SH3BGRL2: variants seen among roughly 807,000 people sequenced by gnomAD.
The protein encoded by SH3BGRL2 is SH3 domain-binding glutamic acid-rich-like protein 2.
SH3BGRL2 carries 21 observed loss-of-function variants against 14.8 expected under a neutral mutation model. The observed-to-expected ratio is 1.42, with a 90% CI of 1.01 to 2.05. The LOEUF is 2.05. SH3BGRL2 is among the 30% of genes most tolerant of loss of function. The pLI, the probability that SH3BGRL2 is intolerant of heterozygous loss-of-function variation, is 0.00. For synonymous variants in SH3BGRL2, 50 were observed against 47.8 expected (o/e 1.05, Z -0.19); for missense variants, 147 against 130.8 (o/e 1.12, Z -0.61).
At chr6:79,603,343 T>C in the SH3BGRL2 span, among the ~76,000 whole-genome samples, 12 of 152,204 alleles carry the variant, frequency 7.9e-5, no homozygotes, top group Non-Finnish European at 1.3e-4. Context: ...TTTTTAATCC[T>C]CAAGAGGCTA....
At chr6:79,568,022 T>A in the SH3BGRL2 span, among the ~76,000 whole-genome samples, 2 of 152,286 alleles carry the variant, frequency 1.3e-5, no homozygotes, top group Middle Eastern at 3.4e-3. Context: ...AGCTGAAATA[T>A]CATTTTGTAC....
At chr6:79,691,364 T>C (rs1462976364) in intron 2 of SH3BGRL2, among the ~76,000 whole-genome samples, 1 of 151,996 alleles carries the variant, frequency 6.6e-6, no homozygotes, top group Non-Finnish European at 1.5e-5. Flanking sequence ...TAAATTTTAT[T>C]ATTATTATAC....
intron 2 of SH3BGRL2, among the ~76,000 whole-genome samples, chr6:79,676,316 C>T (rs954064223): frequency 2.0e-5 from 3 of 152,178 alleles, no homozygotes; most frequent in South Asian, 2.1e-4. Flanking sequence ...CTAGCTCCTT[C>T]GAGGAGAGTG....
rs577203605 is a variant in SH3BGRL2, at chr6:79,656,812, G to C, written c.46-16802G>C. On this transcript the variant is annotated intron_variant, in intron 1 of 3. Coordinates refer to ENST00000369838, the MANE Select transcript of SH3BGRL2 (RefSeq NM_031469.4). ...TCCTTGGATTTTGGTATGGGGGTTG[G>C]GGAGAGCTCCTGAAACTAATTCCCT... Among the ~76,000 whole-genome samples, 12 of 152,124 alleles carry C rather than the reference G, an allele frequency of 7.9e-5. No individual in the cohort carries two copies. The East Asian group carries it at 1.9e-3, about 25-fold the overall frequency.
At chr6:79,573,217 T>C in the SH3BGRL2 span, among the ~76,000 whole-genome samples, 1 of 151,906 alleles carries the variant, frequency 6.6e-6, no homozygotes, top group African/African-American at 2.4e-5. Flanking sequence ...TCTGTATAGA[T>C]ACCCATCATC....
At chr6:79,678,998 A>G (rs758436200) in intron 2 of SH3BGRL2, among the ~76,000 whole-genome samples, 25 of 151,950 alleles carry the variant, frequency 1.6e-4, no homozygotes, top group Non-Finnish European at 2.5e-4. Context: ...TATGTATCAC[A>G]TTTTCTTTAT....
chr6:79,557,480 A>C, the SH3BGRL2 span, among the ~76,000 whole-genome samples: 1 of 152,106 alleles, frequency 6.6e-6, no homozygotes, highest in South Asian at 2.1e-4. Context: ...CTAATTGAGC[A>C]GCAAAAAGCA....
chr6:79,660,184 G>A (rs542458940), intron 1 of SH3BGRL2, among the ~76,000 whole-genome samples: 146 of 152,232 alleles, frequency 9.6e-4, no homozygotes, highest in African/African-American at 3.2e-3. Context: ...GTGTTGAATC[G>A]GAGTGGTGAA....
chr6:79,539,412 C>T, the SH3BGRL2 span, among the ~76,000 whole-genome samples: 3 of 152,126 alleles, frequency 2.0e-5, no homozygotes, highest in Non-Finnish European at 4.4e-5. Context: ...ATATTTCTGC[C>T]ACTTGAAATT....
chr6:79,680,556 G>A (rs1769968577), intron 2 of SH3BGRL2, among the ~76,000 whole-genome samples: 1 of 151,808 alleles, frequency 6.6e-6, no homozygotes, highest in Admixed American at 6.6e-5. Flanking sequence ...GGCTGTTTAG[G>A]GTCCGTTGAT....
intron 2 of SH3BGRL2, among the ~76,000 whole-genome samples, chr6:79,695,588 A>G (rs1239335926): frequency 2.6e-5 from 4 of 152,198 alleles, no homozygotes; most frequent in Non-Finnish European, 5.9e-5. Flanking sequence ...ACATGAGCCC[A>G]AATATCAGTT....
At chr6:79,588,143 A>G in the SH3BGRL2 span, among the ~76,000 whole-genome samples, 1 of 152,016 alleles carries the variant, frequency 6.6e-6, no homozygotes, top group South Asian at 2.1e-4. Context: ...AATACAAAAA[A>G]TTAGCTGGGC....
chr6:79,593,100 A>G, the SH3BGRL2 span, among the ~76,000 whole-genome samples: 1 of 152,206 alleles, frequency 6.6e-6, no homozygotes, highest in Non-Finnish European at 1.5e-5. Context: ...ATAATTTTTC[A>G]AGAGAGGCTG....
chr6:79,579,845 A>G, the SH3BGRL2 span, among the ~76,000 whole-genome samples: 2 of 152,206 alleles, frequency 1.3e-5, no homozygotes, highest in African/African-American at 4.8e-5. Context: ...ATTAAAAGAC[A>G]CAGACTGACA....
chr6:79,673,509 C>G lies in SH3BGRL2; in HGVS notation c.46-105C>G, dbSNP rs1310894261. On this transcript the variant is annotated intron_variant, in intron 1 of 3. Coordinates refer to ENST00000369838, the MANE Select transcript of SH3BGRL2 (RefSeq NM_031469.4). Reference sequence around the variant, plus strand: ...GACAGTGCATGACACCTACATAAATCACCTCTTTTTTTGTATCAATGACAT... The same window carrying G: ...GACAGTGCATGACACCTACATAAATGACCTCTTTTTTTGTATCAATGACAT... 6 of 1,150,176 alleles carry G rather than the reference C, an allele frequency of 5.2e-6. No individual in the cohort carries two copies. In the African/African-American group the frequency reaches 7.8e-5, roughly 15 times the overall value. 71.2% of individuals were successfully genotyped at this position (1,150,176 alleles called of 1,614,324 possible).
At chr6:79,620,603 T>C in the SH3BGRL2 span, among the ~76,000 whole-genome samples, 1 of 151,298 alleles carries the variant, frequency 6.6e-6, no homozygotes, top group South Asian at 2.1e-4. Flanking sequence ...GTAATGATAA[T>C]TTCCCAGCCT....
chr6:79,636,002 T>C (rs1247453297), intron 1 of SH3BGRL2, among the ~76,000 whole-genome samples: 1 of 152,164 alleles, frequency 6.6e-6, no homozygotes, highest in East Asian at 1.9e-4. Flanking sequence ...TCAGTTAAAG[T>C]CAGGATGTGA....
chr6:79,570,689 A>T, the SH3BGRL2 span, among the ~76,000 whole-genome samples: 7 of 152,288 alleles, frequency 4.6e-5, no homozygotes, highest in East Asian at 1.4e-3. Context: ...GCATTCCTGA[A>T]GGCAATGTTC....
the SH3BGRL2 span, among the ~76,000 whole-genome samples, chr6:79,618,868 G>C: frequency 7.8e-6 from 1 of 127,676 alleles, no homozygotes; most frequent in African/African-American, 3.0e-5. Context: ...AGTGATCCGA[G>C]AATGCCCCAC....
Sources: gnomAD v4.1 joint callset for allele counts (sites outside exome capture counted in the v4.1 genomes callset) on GRCh38, gnomAD v4.1.1 for gene constraint, MANE v1.5 for transcripts, NCBI Gene and HGNC (gene_info 2026-07-23, HGNC 2026-07-21) for gene names.